The following ZNF638 variants were observed in gnomAD, a reference collection of about 807,000 sequenced individuals.
The protein encoded by ZNF638 is zinc finger protein 638.
Under a neutral mutation model 195.6 loss-of-function variants are expected in ZNF638, and 46 were observed. The observed-to-expected ratio is 0.24, with a 90% confidence interval of 0.19 to 0.30. The LOEUF (loss-of-function observed/expected upper bound fraction) is 0.30. Ranked by LOEUF, ZNF638 falls within the 10% of genes least tolerant of loss-of-function variation. ZNF638 has a pLI of 1.00. For missense variants in ZNF638, 2,440 were observed against 2,325.3 expected, an observed-to-expected ratio of 1.05 and a Z score of -1.01; for synonymous variants, 845 against 772.0, an observed-to-expected ratio of 1.09 and a Z score of -1.57.
rs1336970282 is a variant in ZNF638, at chr2:71,380,252, T to G, written c.2296T>G (p.Ser766Ala). ...NKEVKKKTLESKKVSASTLKR... is the reference protein window; with the variant it reads ...NKEVKKKTLEAKKVSASTLKR... Reference sequence around the variant, plus strand: ...AGAGGTGAAGAAAAAGACTTTAGAGTCAAAGAAAGTATCTGCATCTACCTT... The same window carrying G: ...AGAGGTGAAGAAAAAGACTTTAGAGGCAAAGAAAGTATCTGCATCTACCTT... The change falls in exon 9 of 28, where the codon TCA (serine) becomes GCA (alanine). Residue 766 changes from serine (S) to alanine (A), a missense_variant. Around this residue, in one of 5 missense-constraint regions of ZNF638, gnomAD observed 1,883 missense variants for 1,739.1 expected, o/e 1.08. Coordinates refer to ENST00000264447, the MANE Select transcript of ZNF638 (RefSeq NM_014497.5). The G allele has an allele frequency of 1.3e-6, 2 of 1,569,646 alleles. No homozygotes were observed. The highest frequency in any genetic ancestry group is 2.3e-5 in the East Asian group (1 of 43,460).
chr2:71,432,089 A>G (rs1179370370), intron 26 of ZNF638, among the ~76,000 whole-genome samples: 1 of 152,244 alleles, frequency 6.6e-6, no homozygotes, highest in Admixed American at 6.5e-5. Flanking sequence ...TGGTCAGCTA[A>G]GGTGAGCTGA....
At chr2:71,374,602 T>C (rs538433708) in intron 8 of ZNF638, among the ~76,000 whole-genome samples, 8 of 152,362 alleles carry the variant, frequency 5.3e-5, no homozygotes, top group African/African-American at 1.4e-4. Flanking sequence ...GATAGTATTT[T>C]TACAACACTA....
Position 71,424,578 on chromosome 2 carries a change from GT to G in ZNF638, c.4525-63del, listed in dbSNP as rs796802567. 1.0e-4 allele frequency: 124 copies of G among 1,225,862 alleles called. No homozygotes were observed. In the African/African-American group the frequency reaches 1.0e-3, roughly 10 times the overall value. The allele number at this position is 1,225,862 out of a possible 1,614,324, so 75.9% of individuals were successfully genotyped here. ...TGTTTACTGTTTTTTTTTGTTTTTT[GT>G]TTTTTTTTCCAGAACATTAATAATA... is the stretch of plus-strand genomic sequence containing the variant. On this transcript the variant is annotated intron_variant, in intron 22 of 27. Transcript: ENST00000264447.
intron 3 of ZNF638, among the ~76,000 whole-genome samples, chr2:71,358,896 G>A (rs1244192824): frequency 2.0e-5 from 3 of 152,176 alleles, no homozygotes; most frequent in African/African-American, 7.2e-5. Flanking sequence ...GGCAATCTGT[G>A]ATCAGTGATC....
chr2:71,349,028 T>A lies in ZNF638; in HGVS notation c.74T>A (p.Met25Lys). 1 of 1,614,222 alleles carries A rather than the reference T, an allele frequency of 6.2e-7. No individual in the cohort carries two copies. The highest frequency in any genetic ancestry group is 8.5e-7 in the Non-Finnish European group (1 of 1,180,034). ...CCACGAGCACCTAACCCTTCTGGGA[T>A]GAGGCCTCCAGGACCATTTATGAGG... ...QRPRAPNPSG[M>K]RPPGPFMRPG... The change falls in exon 2 of 28, where the codon ATG (methionine) becomes AAG (lysine). Residue 25 changes from methionine to lysine, a missense_variant. This residue lies in a region of ZNF638 where 191 missense variants were observed against 173.8 expected (regional missense o/e 1.10). Transcript: ENST00000264447.
intron 3 of ZNF638, among the ~76,000 whole-genome samples, chr2:71,359,630 A>G (rs756792328): frequency 1.3e-5 from 2 of 152,162 alleles, no homozygotes; most frequent in Non-Finnish European, 2.9e-5. Context: ...TTGACACCCA[A>G]AATTAACCAT....
At position 71,331,818 on chromosome 2, in the gene ZNF638, T is replaced by C. The variant is rs1431312126; in HGVS notation, c.-260T>C. 2.0e-6 allele frequency: 2 copies of C among 986,048 alleles called. No individual in the cohort carries two copies. The highest frequency in any genetic ancestry group is 9.4e-5 in the South Asian group (2 of 21,300). 61.1% of individuals were successfully genotyped at this position (986,048 alleles called of 1,614,324 possible). The stretch of plus-strand genomic sequence containing the variant: ...CGTTTTCGGCGTCGAGACTGGAGGC[T>C]GAGTGCTAAACTGTGTGGGGCGCGG... On this transcript the variant is annotated 5_prime_UTR_variant, in exon 1 of 28. Coordinates refer to ENST00000264447, the MANE Select transcript of ZNF638 (RefSeq NM_014497.5).
In ZNF638 at chr2:71,426,446, T is replaced by A; in HGVS notation, c.4591-14T>A. On this transcript the variant is annotated splice_polypyrimidine_tract_variant and intron_variant, in intron 23 of 27. Coordinates refer to ENST00000264447, the MANE Select transcript of ZNF638 (RefSeq NM_014497.5). Reference sequence around the variant, plus strand: ...AATTTGTTTACAATACTATGATTTTTAACTTTCCAACAGGAGCCATTATTT... The same window carrying A: ...AATTTGTTTACAATACTATGATTTTAAACTTTCCAACAGGAGCCATTATTT... 6.5e-7 allele frequency: 1 copy of A among 1,539,664 alleles called. No individual in the cohort carries two copies. Among genetic ancestry groups the A allele is most frequent in the Non-Finnish European group, 8.7e-7 (1 of 1,148,050 alleles).
chr2:71,369,959 A>G lies in ZNF638; in HGVS notation c.2219A>G (p.Lys740Arg), dbSNP rs1188397447. The G allele has an allele frequency of 2.5e-6, 4 of 1,598,584 alleles. No homozygotes were observed. Among genetic ancestry groups the G allele is most frequent in the Non-Finnish European group, 3.4e-6 (4 of 1,175,544 alleles). ...KYIETTPLTI[K>R]GKSVKICVPG... Reference sequence around the variant, plus strand: ...ATTGAAACAACACCTCTTACGATAAAAGGAAAAAGTGTGAAAATATGTGTT... The same window carrying G: ...ATTGAAACAACACCTCTTACGATAAGAGGAAAAAGTGTGAAAATATGTGTT... The change falls in exon 8 of 28, where the codon AAA becomes AGA. Residue 740 changes from lysine to arginine, a missense_variant. By Grantham distance (26) the Lys-to-Arg change is conservative. Coordinates refer to ENST00000264447, the MANE Select transcript of ZNF638 (RefSeq NM_014497.5).
intron 1 of ZNF638, 126 bp downstream of exon 1, chr2:71,332,001 A>C: frequency 1.3e-5 from 9 of 673,374 alleles, no homozygotes; most frequent in Non-Finnish European, 1.5e-5. Context: ...TCCGCACAAA[A>C]TGGCGGCGGG....
At chr2:71,369,707 G>A (rs2079274583) in intron 7 of ZNF638, among the ~76,000 whole-genome samples, 176 bp from the exon 8 acceptor site, 1 of 152,066 alleles carries the variant, frequency 6.6e-6, no homozygotes, top group Non-Finnish European at 1.5e-5. Context: ...TCCATTTAAT[G>A]TGTGAAACAT....
Position 71,427,508 on chromosome 2 carries a change from C to T in ZNF638, c.5545+94C>T. The stretch of plus-strand genomic sequence containing the variant: ...CATGTTGTGGCATTACCAATAATGT[C>T]ACCCAGTATTGATATTAGAGGCCAA... On this transcript the variant is annotated intron_variant, in intron 24 of 27. Coordinates refer to ENST00000264447, the MANE Select transcript of ZNF638 (RefSeq NM_014497.5). 4 of 934,234 alleles carry T rather than the reference C, an allele frequency of 4.3e-6. No individual in the cohort carries two copies. In the East Asian group the frequency reaches 8.3e-5, roughly 19 times the overall value. The allele number at this position is 934,234 out of a possible 1,614,324, so 57.9% of individuals were successfully genotyped here.
rs1323713267 is a variant in ZNF638, at chr2:71,368,439, G to C, written c.2053G>C (p.Glu685Gln). 1.9e-6 allele frequency: 3 copies of C among 1,613,516 alleles called. No homozygotes were observed. Among genetic ancestry groups the C allele is most frequent in the African/African-American group, 2.7e-5 (2 of 74,916 alleles). The change falls in exon 7 of 28, where the codon GAG becomes CAG. Residue 685 changes from glutamate to glutamine, a missense_variant. Transcript: ENST00000264447. ...GGTTCTTCTTATAACTGAATTACCAGAGGATGGTTGTACTGAAGAAGATGT... is the reference window on the plus strand; with the variant it reads ...GGTTCTTCTTATAACTGAATTACCACAGGATGGTTGTACTGAAGAAGATGT... ...GSVLLITELP[E>Q]DGCTEEDVRK...
chr2:71,373,271 G>A (rs895287591), intron 8 of ZNF638, among the ~76,000 whole-genome samples: 3 of 150,390 alleles, frequency 2.0e-5, no homozygotes, highest in African/African-American at 7.4e-5. Flanking sequence ...AACTGTTTAA[G>A]TGAGTTGTCT....
At chr2:71,372,176 C>A (rs1019127364) in intron 8 of ZNF638, among the ~76,000 whole-genome samples, 1 of 152,224 alleles carries the variant, frequency 6.6e-6, no homozygotes, top group African/African-American at 2.4e-5. Flanking sequence ...GCCATCCCAG[C>A]CCACTAGCTC....
intron 10 of ZNF638, chr2:71,395,330 C>A: frequency 1.4e-6 from 1 of 714,520 alleles, no homozygotes; most frequent in Non-Finnish European, 2.6e-6. Context: ...ATCAACAAAA[C>A]CTGATGCAAA....
At chr2:71,422,184 T>C (rs1246581161) in intron 21 of ZNF638, among the ~76,000 whole-genome samples, 2 of 152,196 alleles carry the variant, frequency 1.3e-5, no homozygotes, top group Non-Finnish European at 2.9e-5. Context: ...TATCAGGTTT[T>C]GTCACTAGCT....
chr2:71,350,119 A>G lies in ZNF638; in HGVS notation c.1165A>G (p.Lys389Glu). The change falls in exon 2 of 28, where the codon AAA becomes GAA. Residue 389 changes from lysine to glutamate, a missense_variant. Transcript: ENST00000264447. ...CATTCGGTCTCCCTTTGGTATTGTG[A>G]AAGCATCCTGGCTACCAAAGTTTTC... ...IPIRSPFGIV[K>E]ASWLPKFSHA... 1 of 1,614,126 alleles carries G rather than the reference A, an allele frequency of 6.2e-7. No homozygotes were observed. The highest frequency in any genetic ancestry group is 8.5e-7 in the Non-Finnish European group (1 of 1,180,048).
chr2:71,396,238 T>C (rs1160999171), intron 11 of ZNF638, 47 bp downstream of exon 11: 3 of 1,522,704 alleles, frequency 2.0e-6, no homozygotes, highest in Admixed American at 3.6e-5. Context: ...AAAACTTTAA[T>C]GTATTTTAAA....
Sources: gnomAD v4.1 joint callset for allele counts (sites outside exome capture counted in the v4.1 genomes callset) on GRCh38, gnomAD v4.1.1 for gene constraint, gnomAD v4.1.1 regional missense constraint, MANE v1.5 for transcripts, NCBI Gene and HGNC (gene_info 2026-07-23, HGNC 2026-07-21) for gene names.